The following GRM8 variants were observed in gnomAD, a reference collection of about 807,000 sequenced individuals.
The protein encoded by GRM8 is glutamate metabotropic receptor 8, also known as metabotropic glutamate receptor 8.
A neutral mutation model predicts 87.2 loss-of-function variants in GRM8; 47 were observed. That is an observed-to-expected ratio of 0.54 (90% CI 0.43 to 0.69). GRM8 has a LOEUF of 0.69. Among genes scored for constraint, GRM8 ranks in the 30% least tolerant of loss-of-function variants. The pLI is 0.00. For synonymous variants in GRM8, 396 were observed against 404.5 expected (o/e 0.98, Z 0.25); for missense variants, 1,019 against 1,139.2 (o/e 0.89, Z 1.52).
Position 126,446,376 on chromosome 7 carries a change from AG to A in GRM8, c.2431-5del. ...GTGTTGTTGTCTGGATGTACATCTG[AG>A]GGAAGAAAAAAAAAAGAATCACTGT... On this transcript the variant is annotated splice_region_variant and splice_polypyrimidine_tract_variant and intron_variant, in intron 9 of 10. Transcript: ENST00000339582. The A allele has an allele frequency of 6.4e-7, 1 of 1,573,444 alleles. No homozygotes were observed. The highest frequency in any genetic ancestry group is 1.4e-5 in the African/African-American group (1 of 71,558).
At chr7:127,126,123 G>A (rs755197318) in intron 2 of GRM8, among the ~76,000 whole-genome samples, 55 of 151,922 alleles carry the variant, frequency 3.6e-4, no homozygotes, top group Non-Finnish European at 6.2e-4. Context: ...TCCCACTACC[G>A]GGTATCTACC....
Position 127,129,463 on chromosome 7 carries a change from T to C in GRM8, c.511-22751A>G, listed in dbSNP as rs17867017. Among the ~76,000 whole-genome samples, 874 of 152,306 alleles carry C rather than the reference T, an allele frequency of 5.7e-3. 8 individuals carry two copies. Among genetic ancestry groups the C allele is most frequent in the African/African-American group, 0.02 (838 of 41,560 alleles). ...CTTTATTATATACTGAAAATATACA[T>C]GTACTCATGTAAGTTAAATATTCAA... On this transcript the variant is annotated intron_variant, in intron 2 of 10. Coordinates refer to ENST00000339582, the MANE Select transcript of GRM8 (RefSeq NM_000845.3).
chr7:126,626,674 C>T (rs1244541972), intron 7 of GRM8, among the ~76,000 whole-genome samples: 1 of 152,060 alleles, frequency 6.6e-6, no homozygotes, highest in Non-Finnish European at 1.5e-5. Flanking sequence ...TCCTATTTTT[C>T]TTTCTTAGAA....
intron 2 of GRM8, among the ~76,000 whole-genome samples, chr7:127,223,475 AC>A (rs1398122639): frequency 1.5e-4 from 20 of 133,902 alleles, no homozygotes; most frequent in African/African-American, 4.5e-4. Context: ...ACACACACAC[AC>A]ACACACACAC....
intron 2 of GRM8, among the ~76,000 whole-genome samples, chr7:127,232,210 T>A (rs377033088): frequency 4.0e-4 from 59 of 146,100 alleles, no homozygotes; most frequent in South Asian, 1.1e-3. Context: ...TGTGTGTGTG[T>A]GTGAGAGAGA....
rs147846592 is a variant in GRM8 at position 126,579,480 on chromosome 7, C to A, written c.1494+29882G>T. On this transcript the variant is annotated intron_variant, in intron 8 of 10. Coordinates refer to ENST00000339582, the MANE Select transcript of GRM8 (RefSeq NM_000845.3). Reference sequence around the variant, plus strand: ...GGAAAGATTTCAGTGCAGTAACATGCTGACTGGAATCAGCCTCAACACTGG... The same window carrying A: ...GGAAAGATTTCAGTGCAGTAACATGATGACTGGAATCAGCCTCAACACTGG... 1.4e-4 allele frequency among the ~76,000 whole-genome samples: 21 copies of A among 152,294 alleles called. No homozygotes were observed. The East Asian group carries it at 4.1e-3, about 29-fold the overall frequency.
At chr7:126,679,850 C>T (rs574674167) in intron 7 of GRM8, among the ~76,000 whole-genome samples, 1 of 151,910 alleles carries the variant, frequency 6.6e-6, no homozygotes. Flanking sequence ...GCCAACATGG[C>T]AAAACCCCAT....
intron 6 of GRM8, among the ~76,000 whole-genome samples, chr7:126,777,595 G>A (rs1446304660): frequency 6.6e-6 from 1 of 152,102 alleles, no homozygotes; most frequent in Non-Finnish European, 1.5e-5. Context: ...TACATGTAAT[G>A]TGTTCATGCA....
At chr7:126,674,406 A>G (rs1431391879) in intron 7 of GRM8, among the ~76,000 whole-genome samples, 3 of 152,208 alleles carry the variant, frequency 2.0e-5, no homozygotes, top group Admixed American at 6.5e-5. Context: ...TTGAATCTAC[A>G]GAAACACTCA....
chr7:126,668,291 A>T (rs1806011741), intron 7 of GRM8, among the ~76,000 whole-genome samples: 1 of 152,144 alleles, frequency 6.6e-6, no homozygotes, highest in South Asian at 2.1e-4. Context: ...CAAGGACCCC[A>T]TCGCTAGCTG....
At chr7:126,757,266 A>T (rs1817115317) in intron 7 of GRM8, among the ~76,000 whole-genome samples, 1 of 152,138 alleles carries the variant, frequency 6.6e-6, no homozygotes, top group South Asian at 2.1e-4. Flanking sequence ...ATCAAAAGTT[A>T]GGAGAGCGAC....
intron 6 of GRM8, among the ~76,000 whole-genome samples, chr7:126,822,591 C>T (rs565200990): frequency 6.6e-6 from 1 of 151,716 alleles, no homozygotes; most frequent in African/African-American, 2.4e-5. Flanking sequence ...TGGGATCTCA[C>T]TATGTTGCCC....
At chr7:127,168,256 A>G (rs1023004861) in intron 2 of GRM8, among the ~76,000 whole-genome samples, 3 of 152,208 alleles carry the variant, frequency 2.0e-5, no homozygotes, top group Admixed American at 6.5e-5. Context: ...TATTTTAAAA[A>G]GCTCTTCATC....
rs1325485878 is a variant in GRM8, at chr7:126,471,546, C to CTA, written c.2431-25176_2431-25175dup. Among the ~76,000 whole-genome samples the CTA allele has an allele frequency of 2.0e-5, 3 of 152,036 alleles. No individual in the cohort carries two copies. In the East Asian group the frequency reaches 5.8e-4, roughly 29 times the overall value. ...GAGGGCTCTGTTCTCTTCCATTGAT[C>CTA]TATATCTCTGTTTTGGTACCAGTAC... On this transcript the variant is annotated intron_variant, in intron 9 of 10. Coordinates refer to ENST00000339582, the MANE Select transcript of GRM8 (RefSeq NM_000845.3).
intron 3 of GRM8, among the ~76,000 whole-genome samples, chr7:127,056,803 A>G (rs1820038481): frequency 6.6e-6 from 1 of 152,238 alleles, no homozygotes; most frequent in African/African-American, 2.4e-5. Flanking sequence ...ATTCAAAAGT[A>G]ATCAACCACC....
chr7:126,716,003 A>G (rs1282193082), intron 7 of GRM8, among the ~76,000 whole-genome samples: 3 of 152,124 alleles, frequency 2.0e-5, no homozygotes, highest in Non-Finnish European at 2.9e-5. Context: ...TTTCACATGC[A>G]TAAGTCCTTT....
chr7:127,110,523 A>G (rs1826247690), intron 2 of GRM8, among the ~76,000 whole-genome samples: 1 of 152,174 alleles, frequency 6.6e-6, no homozygotes, highest in Non-Finnish European at 1.5e-5. Flanking sequence ...AAAATATCAT[A>G]TGTGCTTAAA....
intron 7 of GRM8, among the ~76,000 whole-genome samples, chr7:126,622,297 CA>C (rs1266502897): frequency 6.6e-6 from 1 of 152,132 alleles, no homozygotes; most frequent in Non-Finnish European, 1.5e-5. Context: ...CATGGACAAT[CA>C]GCATTGCTCT....
At chr7:127,035,969 A>T (rs1817806843) in intron 3 of GRM8, among the ~76,000 whole-genome samples, 1 of 152,074 alleles carries the variant, frequency 6.6e-6, no homozygotes, top group Non-Finnish European at 1.5e-5. Context: ...CTTGCCCCCA[A>T]CATTTGGGCT....
Sources: gnomAD v4.1 joint callset for allele counts (sites outside exome capture counted in the v4.1 genomes callset) on GRCh38, gnomAD v4.1.1 for gene constraint, MANE v1.5 for transcripts, NCBI Gene and HGNC (gene_info 2026-07-23, HGNC 2026-07-21) for gene names.